Variants in DOCK5 observed in about 807,000 individuals in gnomAD.
The protein encoded by DOCK5 is dedicator of cytokinesis protein 5.
In DOCK5, 142 loss-of-function variants were observed where a neutral mutation model predicts 251.8. The observed-to-expected ratio is 0.56, with a 90% CI of 0.49 to 0.65. The LOEUF is 0.65. Ranked by LOEUF, DOCK5 falls within the 30% of genes least tolerant of loss-of-function variation. The pLI, the probability that DOCK5 is intolerant of heterozygous loss-of-function variation, is 0.00. For synonymous variants in DOCK5, 842 were observed against 835.5 expected (o/e 1.01, Z -0.13); for missense variants, 2,111 against 2,312.3 (o/e 0.91, Z 1.79).
At chr8:25,244,929 A>G (rs1250565277) in intron 2 of DOCK5, among the ~76,000 whole-genome samples, 1 of 152,108 alleles carries the variant, frequency 6.6e-6, no homozygotes, top group Non-Finnish European at 1.5e-5. Flanking sequence ...TTTTCTTTCT[A>G]CTGCTTATTC....
At chr8:25,400,257 G>GGGA (rs1190755039) in intron 46 of DOCK5, among the ~76,000 whole-genome samples, 1 of 152,114 alleles carries the variant, frequency 6.6e-6, no homozygotes, top group Admixed American at 6.5e-5. Context: ...CCAGCACTTT[G>GGGA]GGAGGCTGAA....
At chr8:25,272,423 C>T (rs1227358160) in intron 3 of DOCK5, among the ~76,000 whole-genome samples, 2 of 152,336 alleles carry the variant, frequency 1.3e-5, no homozygotes, top group Admixed American at 6.5e-5. Flanking sequence ...ATTCATCACT[C>T]TGCATTTATG....
intron 2 of DOCK5, among the ~76,000 whole-genome samples, chr8:25,260,416 T>G (rs1034514153): frequency 6.6e-6 from 1 of 151,274 alleles, no homozygotes; most frequent in Non-Finnish European, 1.5e-5. Flanking sequence ...AGCTCTTTTA[T>G]GTGTGTACGT....
intron 50 of DOCK5, 69 bp downstream of exon 50, chr8:25,409,009 T>C: frequency 6.2e-7 from 1 of 1,601,130 alleles, no homozygotes; most frequent in Non-Finnish European, 8.6e-7. Flanking sequence ...TCTGGGCAGT[T>C]TGTAACTAAA....
intron 1 of DOCK5, among the ~76,000 whole-genome samples, chr8:25,185,271 C>T (rs1801403613): frequency 6.6e-6 from 1 of 152,128 alleles, no homozygotes; most frequent in Non-Finnish European, 1.5e-5. Context: ...TCTTTTGGGG[C>T]CGCAGCTCTG....
intron 14 of DOCK5, among the ~76,000 whole-genome samples, chr8:25,318,976 A>T (rs1322383468): frequency 6.6e-6 from 1 of 152,188 alleles, no homozygotes; most frequent in East Asian, 1.9e-4. Flanking sequence ...GAGCCACTGT[A>T]TGAAAGTGCT....
chr8:25,392,033 G>A, intron 43 of DOCK5, 53 bp downstream of exon 43: 2 of 1,536,850 alleles, frequency 1.3e-6, no homozygotes, highest in Middle Eastern at 1.9e-4. Flanking sequence ...GCTGAGCACG[G>A]TGGCTCACGC....
intron 8 of DOCK5, 99 bp downstream of exon 8, chr8:25,299,200 A>G: frequency 7.4e-7 from 1 of 1,354,224 alleles, no homozygotes; most frequent in Non-Finnish European, 1.0e-6. Context: ...TGAGAAGAGA[A>G]AATAGGGAAG....
chr8:25,407,255 AC>A (rs1363071612), intron 48 of DOCK5, among the ~76,000 whole-genome samples: 2 of 152,124 alleles, frequency 1.3e-5, no homozygotes, highest in Non-Finnish European at 2.9e-5. Context: ...AATCTAGATT[AC>A]ATTCTAGTAG....
At chr8:25,235,564 C>A (rs2117529139) in intron 1 of DOCK5, among the ~76,000 whole-genome samples, 1 of 152,090 alleles carries the variant, frequency 6.6e-6, no homozygotes, top group East Asian at 2.0e-4. Context: ...GGCCTTTGTT[C>A]TGTAATTTCG....
chr8:25,283,251 T>C (rs899144581), intron 5 of DOCK5, among the ~76,000 whole-genome samples: 2 of 152,170 alleles, frequency 1.3e-5, no homozygotes, highest in Admixed American at 1.3e-4. Flanking sequence ...TATTGTTTTC[T>C]GTTGGATTAT....
In DOCK5 at chr8:25,366,857, T is replaced by A. The variant is rs1338673428; in HGVS notation, c.3124-13T>A. 6.2e-7 allele frequency: 1 copy of A among 1,608,710 alleles called. No individual in the cohort carries two copies. Among genetic ancestry groups the A allele is most frequent in the South Asian group, 1.1e-5 (1 of 90,714 alleles). On this transcript the variant is annotated splice_polypyrimidine_tract_variant and intron_variant, in intron 30 of 51. Transcript: ENST00000276440. ...TTTCATTTCCCTTTACCCACACAAT[T>A]AATTTTGAACAGCTCTGGAACAATT...
rs371707120 is a variant in DOCK5 at position 25,382,884 on chromosome 8, G to A, written c.4131+106G>A. 74 of 906,984 alleles carry A rather than the reference G, an allele frequency of 8.2e-5. 1 individual carries two copies. The African/African-American group carries it at 1.1e-3, about 13-fold the overall frequency. 56.2% of individuals were successfully genotyped at this position (906,984 alleles called of 1,614,324 possible). ...TTAGCAGCTGCCGACCCGTGTTCTC[G>A]CTGTGGGAGGTAGGGGAGGGAAACC... On this transcript the variant is annotated intron_variant, in intron 40 of 51. Transcript: ENST00000276440.
intron 8 of DOCK5, 80 bp downstream of exon 8, chr8:25,299,181 T>A: frequency 6.7e-7 from 1 of 1,492,122 alleles, no homozygotes; most frequent in Non-Finnish European, 9.0e-7. Flanking sequence ...GGCAGCTCTT[T>A]GCCAGATTTG....
intron 29 of DOCK5, 61 bp from the exon 30 acceptor site, chr8:25,364,565 G>A (rs374061377): frequency 7.0e-5 from 88 of 1,255,908 alleles, no homozygotes; most frequent in Non-Finnish European, 7.6e-5. Flanking sequence ...CTTAATATAG[G>A]TGGGAAAAGG....
chr8:25,338,843 T>A (rs948731132), intron 22 of DOCK5, among the ~76,000 whole-genome samples: 17 of 152,216 alleles, frequency 1.1e-4, no homozygotes, highest in African/African-American at 4.1e-4. Flanking sequence ...ATATATTTTC[T>A]TATGGATGGT....
rs1389048398 is a variant in DOCK5 at position 25,345,869 on chromosome 8, A to T, written c.2754+258A>T. Among the ~76,000 whole-genome samples, 4 of 150,718 alleles carry T rather than the reference A, an allele frequency of 2.7e-5. No individual in the cohort carries two copies. The South Asian group carries it at 8.4e-4, about 31-fold the overall frequency. On this transcript the variant is annotated intron_variant, in intron 26 of 51. Coordinates refer to ENST00000276440, the MANE Select transcript of DOCK5 (RefSeq NM_024940.8). ...AGATCCCTGTGACTTTTTTTTTTTG[A>T]GAGGGAGTCTCGCTCTGTCGCCCAG... is the stretch of plus-strand genomic sequence containing the variant.
At chr8:25,399,488 T>C (rs1164040680) in intron 45 of DOCK5, among the ~76,000 whole-genome samples, 1 of 152,208 alleles carries the variant, frequency 6.6e-6, no homozygotes. Context: ...GCAGAAAAAC[T>C]GTCACCTCCA....
At chr8:25,406,667 G>A (rs944798368) in intron 48 of DOCK5, among the ~76,000 whole-genome samples, 3 of 151,072 alleles carry the variant, frequency 2.0e-5, no homozygotes, top group East Asian at 2.0e-4. Context: ...TCGTTGTGTC[G>A]CCCAGGCTGG....
Sources: gnomAD v4.1 joint callset for allele counts (sites outside exome capture counted in the v4.1 genomes callset) on GRCh38, gnomAD v4.1.1 for gene constraint, MANE v1.5 for transcripts, NCBI Gene and HGNC (gene_info 2026-07-23, HGNC 2026-07-21) for gene names.